Variants in AFF1 observed in about 807,000 individuals in gnomAD.
AFF1 encodes the protein AF4/FMR2 family member 1.
In AFF1, 48 loss-of-function variants were observed where a neutral mutation model predicts 121.7. The observed-to-expected ratio is 0.39, with a 90% CI of 0.31 to 0.50. The LOEUF (loss-of-function observed/expected upper bound fraction) is 0.50. Ranked by LOEUF, AFF1 falls within the 20% of genes least tolerant of loss-of-function variation. The pLI, the probability that AFF1 is intolerant of heterozygous loss-of-function variation, is 0.76. For missense variants in AFF1, 1,523 were observed against 1,511.7 expected (o/e 1.01, Z -0.12); for synonymous variants, 613 against 563.0 (o/e 1.09, Z -1.26).
intron 2 of AFF1, among the ~76,000 whole-genome samples, chr4:87,005,820 C>T (rs1726068008): frequency 6.6e-6 from 1 of 151,716 alleles, no homozygotes; most frequent in Admixed American, 6.6e-5. Context: ...AAAAAAATAA[C>T]GTGTGGTAGT....
intron 8 of AFF1, among the ~76,000 whole-genome samples, chr4:87,095,493 G>C (rs1724741701): frequency 6.6e-6 from 1 of 152,112 alleles, no homozygotes; most frequent in South Asian, 2.1e-4. Context: ...TTCTTGAGGG[G>C]GAAAAAGGGT....
At chr4:86,951,622 TC>T (rs770087183) in intron 2 of AFF1, among the ~76,000 whole-genome samples, 2,118 of 32,774 alleles carry the variant, frequency 0.065, 78 homozygotes, top group East Asian at 0.23. Context: ...TTTCTTTTTT[TC>T]TTTTTTTTTT....
chr4:87,122,525 A>T (rs1187058623), intron 12 of AFF1, among the ~76,000 whole-genome samples: 3 of 152,200 alleles, frequency 2.0e-5, no homozygotes, highest in African/African-American at 7.2e-5. Context: ...TGCTTGCAGG[A>T]GAAACAGCTG....
intron 4 of AFF1, among the ~76,000 whole-genome samples, chr4:87,063,555 C>T (rs1298948908): frequency 6.6e-6 from 1 of 152,072 alleles, no homozygotes; most frequent in South Asian, 2.1e-4. Flanking sequence ...ACCTCTTTAC[C>T]TTGGCTTAGA....
In AFF1 at chr4:86,994,855, G is replaced by A. The variant is rs142220321; in HGVS notation, c.38+46284G>A. ...ACTGTGGGGCTGGAGGGTGTTCATG[G>A]GAAAGCGGGGAGGGGACAGAGAGAG... is the stretch of plus-strand genomic sequence containing the variant. On this transcript the variant is annotated intron_variant, in intron 2 of 20. Transcript: ENST00000395146. Among the ~76,000 whole-genome samples the A allele has an allele frequency of 3.2e-4, 49 of 152,282 alleles. No homozygotes were observed. The Middle Eastern group carries it at 0.01, about 32-fold the overall frequency.
intron 2 of AFF1, among the ~76,000 whole-genome samples, chr4:86,989,277 C>T (rs561887250): frequency 9.9e-5 from 15 of 152,264 alleles, no homozygotes; most frequent in African/African-American, 3.6e-4. Context: ...AAAATTTTTG[C>T]AATCTATCCA....
intron 12 of AFF1, among the ~76,000 whole-genome samples, chr4:87,121,502 C>T (rs1727683739): frequency 6.6e-6 from 1 of 152,230 alleles, no homozygotes; most frequent in Non-Finnish European, 1.5e-5. Context: ...TGCCAACTGA[C>T]AAATACCGAG....
At chr4:86,986,804 TATC>T (rs1271301724) in intron 2 of AFF1, among the ~76,000 whole-genome samples, 1 of 152,128 alleles carries the variant, frequency 6.6e-6, no homozygotes, top group Non-Finnish European at 1.5e-5. Context: ...ATTACATTAA[TATC>T]AAGTAATAAA....
At chr4:87,009,900 C>T (rs919229101) in intron 2 of AFF1, among the ~76,000 whole-genome samples, 2 of 152,226 alleles carry the variant, frequency 1.3e-5, no homozygotes, top group Admixed American at 6.5e-5. Flanking sequence ...TTTAGACCGA[C>T]AGACTCATTG....
chr4:87,033,428 C>T (rs990021353), intron 2 of AFF1, among the ~76,000 whole-genome samples: 1 of 152,196 alleles, frequency 6.6e-6, no homozygotes, highest in Non-Finnish European at 1.5e-5. Flanking sequence ...GTTAGAAGTT[C>T]AGTGACTGGG....
chr4:86,950,784 A>T (rs1220973122), intron 2 of AFF1, among the ~76,000 whole-genome samples: 1 of 152,162 alleles, frequency 6.6e-6, no homozygotes, highest in Admixed American at 6.5e-5. Context: ...AGCCTGGGGG[A>T]AAGCTGTTGT....
At chr4:87,109,613 T>C (rs777855783) in intron 11 of AFF1, among the ~76,000 whole-genome samples, 1 of 152,246 alleles carries the variant, frequency 6.6e-6, no homozygotes, top group Non-Finnish European at 1.5e-5. Context: ...ATGTTTCACC[T>C]TATTCTTAAG....
At chr4:87,127,443 G>A (rs1472074497) in intron 15 of AFF1, among the ~76,000 whole-genome samples, 200 bp from the exon 16 acceptor site, 8 of 152,088 alleles carry the variant, frequency 5.3e-5, no homozygotes, top group Admixed American at 2.0e-4. Context: ...GATTACAGGC[G>A]TGAGCCACTG....
At chr4:87,070,407 G>C (rs776738662) in intron 4 of AFF1, among the ~76,000 whole-genome samples, 22 of 152,274 alleles carry the variant, frequency 1.4e-4, no homozygotes, top group Non-Finnish European at 3.1e-4. Flanking sequence ...AAAATGCTGG[G>C]ATTACAGGCG....
chr4:87,069,460 C>T (rs1045000841), intron 4 of AFF1, among the ~76,000 whole-genome samples: 1 of 149,468 alleles, frequency 6.7e-6, no homozygotes, highest in African/African-American at 2.5e-5. Context: ...CTCTTCCTCC[C>T]TCCCTCTCGT....
intron 4 of AFF1, among the ~76,000 whole-genome samples, chr4:87,076,387 T>TA (rs760952346): frequency 2.9e-4 from 44 of 152,186 alleles, no homozygotes; most frequent in African/African-American, 1.0e-3. Context: ...AGTTTGACGT[T>TA]AAAAAGAGTC....
At chr4:87,100,025 T>G (rs149017731) in intron 8 of AFF1, among the ~76,000 whole-genome samples, 119 of 152,244 alleles carry the variant, frequency 7.8e-4, no homozygotes, top group Non-Finnish European at 1.3e-3. Flanking sequence ...AGTGATTACT[T>G]TGAAAGAGCT....
At chr4:87,076,859 A>G (rs1182453576) in intron 4 of AFF1, among the ~76,000 whole-genome samples, 2 of 152,254 alleles carry the variant, frequency 1.3e-5, no homozygotes, top group Non-Finnish European at 2.9e-5. Flanking sequence ...CCCAGGCAGT[A>G]TGAGCATGTT....
intron 2 of AFF1, among the ~76,000 whole-genome samples, chr4:87,040,083 G>T (rs952381065): frequency 1.3e-5 from 2 of 152,054 alleles, no homozygotes; most frequent in African/African-American, 4.8e-5. Flanking sequence ...GTAGAGACAG[G>T]GTTTCGCCAT....
Sources: gnomAD v4.1 joint callset for allele counts (sites outside exome capture counted in the v4.1 genomes callset) on GRCh38, gnomAD v4.1.1 for gene constraint, MANE v1.5 for transcripts, NCBI Gene and HGNC (gene_info 2026-07-23, HGNC 2026-07-21) for gene names.